The following STXBP5L variants were observed in gnomAD, a reference collection of about 807,000 sequenced individuals.
STXBP5L encodes syntaxin-binding protein 5-like.
In STXBP5L, 65 loss-of-function variants were observed where a neutral mutation model predicts 144.5. That is an observed-to-expected ratio of 0.45 (90% CI 0.37 to 0.55). STXBP5L has a LOEUF of 0.55. Among genes scored for constraint, STXBP5L ranks in the 20% least tolerant of loss-of-function variants. STXBP5L has a pLI of 0.00. For missense variants in STXBP5L, 1,298 were observed against 1,405.5 expected, an observed-to-expected ratio of 0.92 and a Z score of 1.22; for synonymous variants, 505 against 469.6, an observed-to-expected ratio of 1.08 and a Z score of -0.97.
chr3:121,053,513 T>A (rs572834755), intron 5 of STXBP5L, among the ~76,000 whole-genome samples: 2 of 152,194 alleles, frequency 1.3e-5, no homozygotes, highest in East Asian at 3.8e-4. Flanking sequence ...ATTTAATAAA[T>A]GGTGCTGGGA....
At chr3:121,180,453 A>C (rs541202878) in intron 9 of STXBP5L, among the ~76,000 whole-genome samples, 1 of 152,374 alleles carries the variant, frequency 6.6e-6, no homozygotes, top group East Asian at 1.9e-4. Flanking sequence ...ATCTTGAAAC[A>C]AAACCTCAAA....
At chr3:121,054,714 A>G (rs1024360648) in intron 5 of STXBP5L, among the ~76,000 whole-genome samples, 1 of 152,098 alleles carries the variant, frequency 6.6e-6, no homozygotes, top group Admixed American at 6.5e-5. Context: ...CATTGTGCAC[A>G]TGTACCGTAA....
At chr3:121,321,238 G>A (rs1182771399) in intron 20 of STXBP5L, among the ~76,000 whole-genome samples, 2 of 152,072 alleles carry the variant, frequency 1.3e-5, no homozygotes, top group Non-Finnish European at 1.5e-5. Flanking sequence ...AGGAATGAGA[G>A]ATTTTTTTTT....
intron 5 of STXBP5L, among the ~76,000 whole-genome samples, chr3:121,051,084 G>A (rs1201056811): frequency 1.3e-5 from 2 of 152,110 alleles, no homozygotes; most frequent in Non-Finnish European, 2.9e-5. Flanking sequence ...GATTCATAAA[G>A]GAAGTCCTGA....
intron 5 of STXBP5L, among the ~76,000 whole-genome samples, chr3:121,052,037 G>A (rs979650345): frequency 6.6e-5 from 10 of 152,168 alleles, no homozygotes; most frequent in South Asian, 4.1e-4. Context: ...CCAGGGAGAC[G>A]TTGAATATCT....
chr3:121,389,303 C>T lies in STXBP5L; in HGVS notation c.2587+7771C>T, dbSNP rs569434229. ...CTTCTTTATTACTCTTGCTAGTTGTCTATCAATTTTGTTGATCTTTTCAAA... is the reference window on the plus strand; with the variant it reads ...CTTCTTTATTACTCTTGCTAGTTGTTTATCAATTTTGTTGATCTTTTCAAA... On this transcript the variant is annotated intron_variant, in intron 22 of 26. Transcript: ENST00000471454. Among the ~76,000 whole-genome samples, 145 of 152,298 alleles carry T rather than the reference C, an allele frequency of 9.5e-4. 1 individual carries two copies. Among genetic ancestry groups the T allele is most frequent in the African/African-American group, 3.1e-3 (129 of 41,572 alleles).
intron 7 of STXBP5L, among the ~76,000 whole-genome samples, chr3:121,122,745 A>G (rs2044524994): frequency 6.6e-6 from 1 of 151,520 alleles, no homozygotes; most frequent in Non-Finnish European, 1.5e-5. Flanking sequence ...CTCAGAAAGT[A>G]TTCAAAGATG....
chr3:121,121,050 A>C (rs1048483619), intron 6 of STXBP5L, among the ~76,000 whole-genome samples: 2 of 151,280 alleles, frequency 1.3e-5, no homozygotes, highest in Non-Finnish European at 3.0e-5. Flanking sequence ...TTAGACTCAT[A>C]ATTATCTGTT....
chr3:121,070,264 C>T (rs564298244), intron 5 of STXBP5L, among the ~76,000 whole-genome samples: 3 of 152,326 alleles, frequency 2.0e-5, no homozygotes, highest in African/African-American at 7.2e-5. Flanking sequence ...ACATTTCTTA[C>T]ATCTTGAGAG....
intron 5 of STXBP5L, among the ~76,000 whole-genome samples, chr3:121,051,979 A>T (rs1948042563): frequency 6.6e-6 from 1 of 152,232 alleles, no homozygotes; most frequent in African/African-American, 2.4e-5. Context: ...TAGAAAATCT[A>T]GAAGAAATGG....
At chr3:121,040,415 C>T (rs901123176) in intron 3 of STXBP5L, among the ~76,000 whole-genome samples, 1 of 152,000 alleles carries the variant, frequency 6.6e-6, no homozygotes, top group African/African-American at 2.4e-5. Context: ...TTGGTGGGAA[C>T]ATGAAAAATT....
chr3:121,240,624 TATAAGAA>T, intron 14 of STXBP5L, 117 bp downstream of exon 14: 1 of 886,122 alleles, frequency 1.1e-6, no homozygotes, highest in South Asian at 1.7e-5. Flanking sequence ...AAAGTAAAAA[TATAAGAA>T]ATAGCTTCTA....
In STXBP5L at chr3:121,011,239, A is replaced by G. The variant is rs1439485716; in HGVS notation, c.288-30461A>G. ...ACCATGTTAAATCCTCAGTTCTAGA[A>G]AAGTGTCTCTGAATCAGTAAAATCC... On this transcript the variant is annotated intron_variant, in intron 3 of 26. Transcript: ENST00000471454. Among the ~76,000 whole-genome samples, 10 of 151,086 alleles carry G rather than the reference A, an allele frequency of 6.6e-5. No individual in the cohort carries two copies. The Admixed American group carries it at 6.7e-4, about 10-fold the overall frequency.
At chr3:121,391,734 T>A (rs2046590943) in intron 22 of STXBP5L, among the ~76,000 whole-genome samples, 1 of 152,190 alleles carries the variant, frequency 6.6e-6, no homozygotes, top group Admixed American at 6.5e-5. Flanking sequence ...CAGCAAATAT[T>A]GCAGAACAGC....
intron 2 of STXBP5L, among the ~76,000 whole-genome samples, chr3:120,947,379 C>T (rs545281608): frequency 3.4e-4 from 52 of 151,904 alleles, no homozygotes; most frequent in African/African-American, 1.0e-3. Context: ...GGTACCCCAA[C>T]TGATGTCAAC....
chr3:120,955,746 A>G (rs1217651406), intron 3 of STXBP5L, among the ~76,000 whole-genome samples: 4 of 151,960 alleles, frequency 2.6e-5, no homozygotes, highest in African/African-American at 7.2e-5. Context: ...AAACATTTCT[A>G]TCACCACAAG....
At chr3:121,267,429 TA>T (rs2050601466) in intron 18 of STXBP5L, among the ~76,000 whole-genome samples, 1 of 152,150 alleles carries the variant, frequency 6.6e-6, no homozygotes, top group South Asian at 2.1e-4. Context: ...ATTAAAGACT[TA>T]AACATAAGAC....
intron 19 of STXBP5L, among the ~76,000 whole-genome samples, chr3:121,302,080 T>C (rs537217111): frequency 6.6e-6 from 1 of 152,294 alleles, no homozygotes; most frequent in Admixed American, 6.5e-5. Flanking sequence ...TAGGGAGGAT[T>C]CCCTCTTTTT....
chr3:121,005,610 C>T (rs1944222688), intron 3 of STXBP5L, among the ~76,000 whole-genome samples: 1 of 152,054 alleles, frequency 6.6e-6, no homozygotes. Flanking sequence ...AATGTGTTTG[C>T]TCTTGCTTTT....
Sources: allele counts gnomAD v4.1 joint callset (sites outside exome capture counted in the v4.1 genomes callset), GRCh38; gene constraint gnomAD v4.1.1; transcripts MANE v1.5; gene names NCBI Gene and HGNC (gene_info 2026-07-23, HGNC 2026-07-21).